Variants in IL1RAPL1 observed in about 807,000 individuals in gnomAD.
The protein encoded by IL1RAPL1 is interleukin 1 receptor accessory protein like 1, also known as interleukin-1 receptor accessory protein-like 1.
In IL1RAPL1, 3 loss-of-function variants were observed where a neutral mutation model predicts 48.4. The ratio of observed to expected loss-of-function variants is 0.06; its 90% CI spans 0.03 to 0.16. The LOEUF is 0.16. IL1RAPL1 is among the 10% of genes least tolerant of loss of function. The pLI is 1.00. For synonymous variants in IL1RAPL1, 185 were observed against 187.7 expected (o/e 0.99, Z 0.12); for missense variants, 349 against 530.6 (o/e 0.66, Z 3.36).
intron 6 of IL1RAPL1, among the ~76,000 whole-genome samples, chrX:29,808,178 A>ACTT (rs1930299406): frequency 1.8e-5 from 2 of 112,047 alleles, no homozygotes; most frequent in African/African-American, 6.5e-5. Flanking sequence ...GAGGTTTATC[A>ACTT]CTTTGATATT....
At chrX:29,724,365 C>A (rs1927722772) in intron 6 of IL1RAPL1, among the ~76,000 whole-genome samples, 1 of 111,720 alleles carries the variant, frequency 9.0e-6, no homozygotes, top group Non-Finnish European at 1.9e-5. Flanking sequence ...TCTTCTAGCA[C>A]TCTAATTAGA....
intron 3 of IL1RAPL1, among the ~76,000 whole-genome samples, chrX:29,328,811 T>G (rs1704768428): frequency 9.1e-6 from 1 of 110,268 alleles, no homozygotes; most frequent in African/African-American, 3.3e-5. Flanking sequence ...TGATTTTATT[T>G]ATACTGTGAT....
chrX:29,373,089 C>T (rs759792460), intron 3 of IL1RAPL1, among the ~76,000 whole-genome samples: 1 of 111,227 alleles, frequency 9.0e-6, no homozygotes, highest in South Asian at 3.7e-4. Flanking sequence ...TGTGTAATCT[C>T]TTAGTTCTTT....
chrX:29,931,118 T>C (rs1054370814), intron 8 of IL1RAPL1, among the ~76,000 whole-genome samples: 6 of 110,924 alleles, frequency 5.4e-5, no homozygotes, highest in African/African-American at 9.8e-5. Context: ...GGTCTCCTAT[T>C]GGTAGCTCCC....
intron 2 of IL1RAPL1, among the ~76,000 whole-genome samples, chrX:29,002,797 T>C (rs192046644): frequency 4.5e-5 from 5 of 111,486 alleles, no homozygotes; most frequent in African/African-American, 1.3e-4. Context: ...GATAACACTT[T>C]TATTTTTCTT....
intron 6 of IL1RAPL1, among the ~76,000 whole-genome samples, chrX:29,779,827 T>C (rs1929292427): frequency 9.0e-6 from 1 of 111,247 alleles, no homozygotes; most frequent in Non-Finnish European, 1.9e-5. Flanking sequence ...ATATATTAAT[T>C]TTATTATAAT....
chrX:29,813,290 C>T (rs1275863632), intron 6 of IL1RAPL1, among the ~76,000 whole-genome samples: 2 of 110,884 alleles, frequency 1.8e-5, no homozygotes, highest in African/African-American at 6.6e-5. Context: ...AGAAAAGGTC[C>T]CTAAAATTAA....
At chrX:28,931,987 A>G (rs1923893603) in intron 2 of IL1RAPL1, among the ~76,000 whole-genome samples, 1 of 109,071 alleles carries the variant, frequency 9.2e-6, no homozygotes, top group Admixed American at 9.9e-5. Flanking sequence ...GCTTGCAGTG[A>G]GCCAAGATCA....
intron 5 of IL1RAPL1, among the ~76,000 whole-genome samples, chrX:29,521,567 A>C (rs1043160625): frequency 3.8e-4 from 43 of 112,731 alleles, no homozygotes; most frequent in African/African-American, 1.4e-3. Context: ...AAGCCCTTGC[A>C]CTTCCAGAAT....
chrX:29,045,151 A>G (rs181627534), intron 2 of IL1RAPL1, among the ~76,000 whole-genome samples: 13 of 111,705 alleles, frequency 1.2e-4, no homozygotes, highest in Admixed American at 1.1e-3. Context: ...GGTGGATCAT[A>G]ATGCAGTGGG....
chrX:29,079,539 A>G (rs1927755615), intron 2 of IL1RAPL1, among the ~76,000 whole-genome samples: 1 of 109,605 alleles, frequency 9.1e-6, no homozygotes, highest in African/African-American at 3.3e-5. Context: ...TTTATATGGT[A>G]GAGCTAAGGT....
At chrX:29,249,786 T>C (rs1931574364) in intron 2 of IL1RAPL1, among the ~76,000 whole-genome samples, 1 of 111,645 alleles carries the variant, frequency 9.0e-6, no homozygotes, top group Non-Finnish European at 1.9e-5. Context: ...ATTTTAGTTA[T>C]AATTACAAAG....
chrX:29,333,401 G>GA (rs1932913400), intron 3 of IL1RAPL1, among the ~76,000 whole-genome samples: 1 of 102,516 alleles, frequency 9.8e-6, no homozygotes, highest in African/African-American at 3.5e-5. Context: ...TGGCCGGGCG[G>GA]GGGGCTGACC....
At chrX:29,612,279 T>A (rs139486576) in intron 5 of IL1RAPL1, among the ~76,000 whole-genome samples, 9,205 of 110,328 alleles carry the variant, frequency 0.083, 375 homozygotes, top group Middle Eastern at 0.18. Flanking sequence ...CCCTTTAGAG[T>A]TACCGATGAC....
intron 2 of IL1RAPL1, among the ~76,000 whole-genome samples, chrX:28,907,420 A>T (rs1221579867): frequency 9.0e-6 from 1 of 110,687 alleles, no homozygotes; most frequent in East Asian, 2.9e-4. Flanking sequence ...ACATCTGGCT[A>T]ATTTTTGTAT....
intron 1 of IL1RAPL1, among the ~76,000 whole-genome samples, chrX:28,728,513 T>C (rs1436102565): frequency 9.0e-6 from 1 of 111,356 alleles, no homozygotes; most frequent in East Asian, 2.8e-4. Context: ...TCTAAAAAAA[T>C]TGTTTCTTAG....
chrX:29,676,103 C>T (rs145674572), intron 6 of IL1RAPL1, among the ~76,000 whole-genome samples: 1 of 111,562 alleles, frequency 9.0e-6, no homozygotes, highest in East Asian at 2.8e-4. Flanking sequence ...AGTTTAGCTC[C>T]ACCATTTACT....
At chrX:28,894,088 GT>G (rs757418985) in intron 2 of IL1RAPL1, among the ~76,000 whole-genome samples, 3 of 112,038 alleles carry the variant, frequency 2.7e-5, no homozygotes, top group African/African-American at 9.8e-5. Context: ...TTTGAGAAGC[GT>G]TTTTTTATTA....
intron 2 of IL1RAPL1, among the ~76,000 whole-genome samples, chrX:28,979,980 T>C (rs959428725): frequency 8.9e-6 from 1 of 112,439 alleles, no homozygotes; most frequent in African/African-American, 3.2e-5. Flanking sequence ...CCTGAAGTTG[T>C]AGTGCATTTG....
Sources: gnomAD v4.1 joint callset for allele counts (sites outside exome capture counted in the v4.1 genomes callset) on GRCh38, gnomAD v4.1.1 for gene constraint, MANE v1.5 for transcripts, NCBI Gene and HGNC (gene_info 2026-07-23, HGNC 2026-07-21) for gene names.